Variants in CACNA2D2 observed in about 807,000 individuals in gnomAD.
The protein encoded by CACNA2D2 is calcium voltage-gated channel auxiliary subunit alpha2delta 2, also known as voltage-dependent calcium channel subunit alpha-2/delta-2.
A neutral mutation model predicts 166.4 loss-of-function variants in CACNA2D2; 48 were observed. The ratio of observed to expected loss-of-function variants is 0.29; its 90% CI spans 0.23 to 0.37. CACNA2D2 has a LOEUF of 0.37. Among genes scored for constraint, CACNA2D2 ranks in the 10% least tolerant of loss-of-function variants. The probability of loss-of-function intolerance (pLI) is 1.00; values close to 1 mark genes in which losing one functional copy is unlikely to be tolerated. For missense variants in CACNA2D2, 1,122 were observed against 1,433.0 expected, an observed-to-expected ratio of 0.78 and a Z score of 3.50; for synonymous variants, 561 against 573.7, an observed-to-expected ratio of 0.98 and a Z score of 0.32.
chr3:50,384,100 C>T, intron 6 of CACNA2D2, 96 bp downstream of exon 6: 1 of 1,484,210 alleles, frequency 6.7e-7, no homozygotes, highest in Non-Finnish European at 9.2e-7. Flanking sequence ...GTAGATGGCA[C>T]TGGCCTTCTG....
chr3:50,394,907 G>A (rs529670963), intron 3 of CACNA2D2, among the ~76,000 whole-genome samples: 7 of 152,366 alleles, frequency 4.6e-5, no homozygotes, highest in African/African-American at 1.7e-4. Flanking sequence ...CATGGCAGGA[G>A]AGGTTGAGGG....
chr3:50,400,179 T>C (rs1262551520), intron 3 of CACNA2D2, among the ~76,000 whole-genome samples: 1 of 152,224 alleles, frequency 6.6e-6, no homozygotes, highest in East Asian at 1.9e-4. Context: ...AATATCTGCA[T>C]AATAATGAAG....
intron 4 of CACNA2D2, among the ~76,000 whole-genome samples, chr3:50,389,520 A>G (rs1405442441): frequency 1.3e-5 from 2 of 152,196 alleles, no homozygotes; most frequent in Non-Finnish European, 2.9e-5. Context: ...GAAAGGACAC[A>G]GGTGGGGGCT....
At chr3:50,480,336 G>C (rs1026736037) in intron 1 of CACNA2D2, among the ~76,000 whole-genome samples, 1 of 152,176 alleles carries the variant, frequency 6.6e-6, no homozygotes, top group Non-Finnish European at 1.5e-5. Flanking sequence ...TGGCTGAATA[G>C]TTTTTAATGG....
chr3:50,463,260 C>G (rs1709672892), intron 2 of CACNA2D2, among the ~76,000 whole-genome samples: 1 of 152,088 alleles, frequency 6.6e-6, no homozygotes. Flanking sequence ...TGCCATCCAT[C>G]CTAGAGGACA....
At chr3:50,448,132 A>C (rs1301180191) in intron 2 of CACNA2D2, among the ~76,000 whole-genome samples, 2 of 152,126 alleles carry the variant, frequency 1.3e-5, no homozygotes, top group Non-Finnish European at 2.9e-5. Context: ...CCTAGGTGGC[A>C]ACCATGTGGC....
Position 50,376,270 on chromosome 3 carries a change from T to G in CACNA2D2, c.1627-82A>C. 2 of 1,389,544 alleles carry G rather than the reference T, an allele frequency of 1.4e-6. No individual in the cohort carries two copies. The highest frequency in any genetic ancestry group is 2.0e-6 in the Non-Finnish European group (2 of 995,686). 86.1% of individuals were successfully genotyped at this position (1,389,544 alleles called of 1,614,324 possible). The stretch of plus-strand genomic sequence containing the variant: ...CTCCGGAGTTCTTCCCTATTTGGCC[T>G]CCCACCGCACCGAGAGATTCTGTTT... On this transcript the variant is annotated intron_variant, in intron 17 of 37. Coordinates refer to ENST00000424201, the MANE Select transcript of CACNA2D2 (RefSeq NM_006030.4). The surrounding 1 kb of genome is among the most constrained non-coding windows in gnomAD (Gnocchi z 4.3).
In CACNA2D2 at chr3:50,365,219, T is replaced by G. The variant is rs754356551; in HGVS notation, c.3099-35A>C. The G allele has an allele frequency of 6.4e-7, 1 of 1,568,400 alleles. No homozygotes were observed. ...GCCCGGAAAGGCGGGGCGTTGAGTT[T>G]GCCCCGCCCTGACCCACCCCCATCC... is the stretch of plus-strand genomic sequence containing the variant. On this transcript the variant is annotated intron_variant, in intron 35 of 37. Transcript: ENST00000424201. This position sits in a 1 kb window ranked among gnomAD's most constrained non-coding sequence, Gnocchi z 4.5.
At chr3:50,432,342 G>A (rs368917841) in intron 3 of CACNA2D2, among the ~76,000 whole-genome samples, 218 of 152,336 alleles carry the variant, frequency 1.4e-3, no homozygotes, top group African/African-American at 4.6e-3. Context: ...CTGCTGTGCC[G>A]GCCTGGCTGA....
At chr3:50,500,659 C>T (rs2107193215) in intron 1 of CACNA2D2, among the ~76,000 whole-genome samples, 1 of 152,226 alleles carries the variant, frequency 6.6e-6, no homozygotes, top group South Asian at 2.1e-4. Flanking sequence ...CGGACAAGTG[C>T]ACATACATGT....
At chr3:50,496,971 G>C (rs1698750300) in intron 1 of CACNA2D2, among the ~76,000 whole-genome samples, 1 of 152,206 alleles carries the variant, frequency 6.6e-6, no homozygotes, top group South Asian at 2.1e-4. Flanking sequence ...GTTGAATGAG[G>C]ATCATTTCCA....
intron 5 of CACNA2D2, among the ~76,000 whole-genome samples, chr3:50,385,797 C>T (rs1294765724): frequency 6.6e-6 from 1 of 152,210 alleles, no homozygotes. Flanking sequence ...GCGTGCGCCA[C>T]TCACGTTCCG....
At chr3:50,471,691 A>C (rs891420658) in intron 2 of CACNA2D2, among the ~76,000 whole-genome samples, 1 of 152,084 alleles carries the variant, frequency 6.6e-6, no homozygotes, top group African/African-American at 2.4e-5. Context: ...CCTGTCTCAA[A>C]GGCACCTGCA....
chr3:50,428,866 A>C (rs1443228927), intron 3 of CACNA2D2, among the ~76,000 whole-genome samples: 1 of 152,154 alleles, frequency 6.6e-6, no homozygotes, highest in African/African-American at 2.4e-5. Context: ...ATGGCCACTA[A>C]TGGTAGCACA....
In CACNA2D2 at chr3:50,379,081, T is replaced by C. The variant is rs771701603; in HGVS notation, c.1260+11A>G. 62 of 1,613,466 alleles carry C rather than the reference T, an allele frequency of 3.8e-5. 1 individual carries two copies. The South Asian group carries it at 6.4e-4, about 17-fold the overall frequency. ...CAGGTCAGGGTAGCCCCTGCCTCGG[T>C]TGAGCCTCACCGTCCGGTTTGGCCA... On this transcript the variant is annotated intron_variant, in intron 12 of 37. Coordinates refer to ENST00000424201, the MANE Select transcript of CACNA2D2 (RefSeq NM_006030.4). The surrounding 1 kb of genome is among the most constrained non-coding windows in gnomAD (Gnocchi z 6.5).
Position 50,363,378 on chromosome 3 carries a change from C to T in CACNA2D2, c.*1288G>A, listed in dbSNP as rs1288179970. On this transcript the variant is annotated 3_prime_UTR_variant, in exon 38 of 38. Transcript: ENST00000424201. ...GAGCCCCATCACTATATCCCCTTGC[C>T]CTCAGTTCCCCACTGGCCCCCAGGC... is the stretch of plus-strand genomic sequence containing the variant. 1 of 397,980 alleles carries T rather than the reference C, an allele frequency of 2.5e-6. No individual in the cohort carries two copies. The highest frequency in any genetic ancestry group is 4.4e-6 in the Non-Finnish European group (1 of 225,980). The allele number at this position is 397,980 out of a possible 1,614,324, so 24.7% of individuals were successfully genotyped here.
chr3:50,503,265 CAGCGGTAGA>C lies in CACNA2D2; in HGVS notation c.150_158del (p.Pro52_Leu54del). ...AGGCAGAGGCGCCGGGGGCGGCGAG[CAGCGGTAGA>C]AGCGGCAGCAGCAGCCACAGCGGGC... On this transcript the variant is annotated inframe_deletion, in exon 1 of 38. Coordinates refer to ENST00000424201, the MANE Select transcript of CACNA2D2 (RefSeq NM_006030.4). The C allele has an allele frequency of 8.4e-7, 1 of 1,188,894 alleles. No homozygotes were observed. The highest frequency in any genetic ancestry group is 1.0e-6 in the Non-Finnish European group (1 of 958,504). 73.6% of individuals were successfully genotyped at this position (1,188,894 alleles called of 1,614,324 possible). A position where few individuals can be genotyped will look rare whatever the true frequency, so the allele number is the denominator to read the frequency against.
chr3:50,369,080 G>A (rs1704511180), intron 23 of CACNA2D2, among the ~76,000 whole-genome samples: 3 of 152,198 alleles, frequency 2.0e-5, no homozygotes, highest in Non-Finnish European at 4.4e-5. Flanking sequence ...ATGGAACTGG[G>A]TCTCAGGCCC....
At chr3:50,405,023 A>G (rs1706633157) in intron 3 of CACNA2D2, among the ~76,000 whole-genome samples, 1 of 152,112 alleles carries the variant, frequency 6.6e-6, no homozygotes, top group African/African-American at 2.4e-5. Context: ...CTCCCTTCCC[A>G]TGATGTTATT....
Sources: gnomAD v4.1 joint callset for allele counts (sites outside exome capture counted in the v4.1 genomes callset) on GRCh38, gnomAD v4.1.1 for gene constraint, Gnocchi (gnomAD v3.1) non-coding constraint, MANE v1.5 for transcripts, NCBI Gene and HGNC (gene_info 2026-07-23, HGNC 2026-07-21) for gene names.